The following PIGK variants were observed in gnomAD, a reference collection of about 807,000 sequenced individuals.
PIGK encodes GPI-anchor transamidase.
PIGK carries 42 observed loss-of-function variants against 50.6 expected under a neutral mutation model. The ratio of observed to expected loss-of-function variants is 0.83; its 90% CI spans 0.65 to 1.07. PIGK has a LOEUF of 1.07. Among genes scored for constraint, PIGK ranks in the 50% least tolerant of loss-of-function variants. PIGK has a pLI of 0.00. For missense variants in PIGK, 448 were observed against 488.7 expected (o/e 0.92, Z 0.78); for synonymous variants, 151 against 156.0 (o/e 0.97, Z 0.24).
At chr1:77,191,668 T>C (rs1011381652) in intron 3 of PIGK, among the ~76,000 whole-genome samples, 2 of 152,258 alleles carry the variant, frequency 1.3e-5, no homozygotes, top group African/African-American at 4.8e-5. Flanking sequence ...AGATATTCTT[T>C]TCATTAAAGA....
rs780950213 is a variant in PIGK, at chr1:77,161,409, T to C, written c.703-4A>G. 1.1e-5 allele frequency: 16 copies of C among 1,468,322 alleles called. No individual in the cohort carries two copies. Among genetic ancestry groups the C allele is most frequent in the Non-Finnish European group, 1.5e-5 (16 of 1,047,856 alleles). 91.0% of individuals were successfully genotyped at this position (1,468,322 alleles called of 1,614,324 possible). A position where few individuals can be genotyped will look rare whatever the true frequency, so the allele number is the denominator to read the frequency against. ...CAATTGCAGGATCAGGTTGATGCTA[T>C]GGAAAGGGGGAAAAAAAGTATTTCT... On this transcript the variant is annotated splice_polypyrimidine_tract_variant and splice_region_variant and intron_variant, in intron 7 of 10. Coordinates refer to ENST00000370812, the MANE Select transcript of PIGK (RefSeq NM_005482.3).
At chr1:77,123,548 TCTCA>T (rs1654152662) in intron 9 of PIGK, among the ~76,000 whole-genome samples, 2 of 152,068 alleles carry the variant, frequency 1.3e-5, no homozygotes, top group Non-Finnish European at 1.5e-5. Context: ...CTCTGAAGAT[TCTCA>T]CTAATGATGG....
chr1:77,211,975 A>G (rs1163795136), intron 1 of PIGK, among the ~76,000 whole-genome samples: 1 of 152,022 alleles, frequency 6.6e-6, no homozygotes, highest in Non-Finnish European at 1.5e-5. Context: ...ATAAGTTAAT[A>G]TGCTTCCTGT....
chr1:77,105,729 AT>A (rs1653654265), intron 10 of PIGK, among the ~76,000 whole-genome samples: 2 of 152,214 alleles, frequency 1.3e-5, no homozygotes, highest in African/African-American at 2.4e-5. Context: ...TTGATGTAAC[AT>A]AGCCATGCTC....
At chr1:77,102,732 C>G (rs896605474) in intron 10 of PIGK, among the ~76,000 whole-genome samples, 1 of 152,138 alleles carries the variant, frequency 6.6e-6, no homozygotes, top group Non-Finnish European at 1.5e-5. Flanking sequence ...TGATAGAAAA[C>G]GCATACAACA....
At chr1:77,179,562 T>G (rs1300157250) in intron 3 of PIGK, among the ~76,000 whole-genome samples, 1 of 152,214 alleles carries the variant, frequency 6.6e-6, no homozygotes, top group Non-Finnish European at 1.5e-5. Context: ...CAGTTGTTCC[T>G]GTTCCCATTT....
At chr1:77,203,259 T>C (rs1656212671) in intron 3 of PIGK, among the ~76,000 whole-genome samples, 1 of 152,194 alleles carries the variant, frequency 6.6e-6, no homozygotes, top group Non-Finnish European at 1.5e-5. Flanking sequence ...AACCCCTACT[T>C]AATGCCTTTT....
chr1:77,096,885 TTTTTTTTTTTTTG>T lies in PIGK; in HGVS notation c.1072-4408_1072-4396del, dbSNP rs1297511083. Among the ~76,000 whole-genome samples, 248 of 114,656 alleles carry T rather than the reference TTTTTTTTTTTTTG, an allele frequency of 2.2e-3. 1 individual carries two copies. Among genetic ancestry groups the T allele is most frequent in the African/African-American group, 9.4e-3 (234 of 25,026 alleles). The allele number at this position is 114,656 out of a possible 152,430, so 75.2% of individuals were successfully genotyped here. Reference sequence around the variant, plus strand: ...TACTTGTAGCTTCGGGTTTTTCTTTTTTTTTTTTTTTTGTTTTTTTGTTTTTTTGTTTTGTTTT... The same window carrying T: ...TACTTGTAGCTTCGGGTTTTTCTTTTTTTTTTTGTTTTTTTGTTTTGTTTT... On this transcript the variant is annotated intron_variant, in intron 10 of 10. Coordinates refer to ENST00000370812, the MANE Select transcript of PIGK (RefSeq NM_005482.3).
chr1:77,111,369 A>T (rs934350216), intron 10 of PIGK, among the ~76,000 whole-genome samples: 7 of 152,298 alleles, frequency 4.6e-5, no homozygotes, highest in South Asian at 4.1e-4. Flanking sequence ...AATGTCCATC[A>T]ATGACAGACT....
intron 8 of PIGK, among the ~76,000 whole-genome samples, chr1:77,159,544 G>T (rs1433694840): frequency 6.6e-6 from 1 of 152,216 alleles, no homozygotes; most frequent in Non-Finnish European, 1.5e-5. Flanking sequence ...GCCCGTAAAA[G>T]CAAACAGGAT....
chr1:77,106,615 A>G (rs1653683513), intron 10 of PIGK, among the ~76,000 whole-genome samples: 1 of 152,132 alleles, frequency 6.6e-6, no homozygotes. Context: ...CCATGGATAA[A>G]GGCCCTCTAT....
chr1:77,157,762 C>T (rs760391347), intron 8 of PIGK, among the ~76,000 whole-genome samples: 1 of 152,124 alleles, frequency 6.6e-6, no homozygotes, highest in Non-Finnish European at 1.5e-5. Flanking sequence ...CCCATAAGTC[C>T]CACATATTAT....
intron 4 of PIGK, 52 bp downstream of exon 4, chr1:77,169,208 G>A: frequency 8.3e-7 from 1 of 1,207,362 alleles, no homozygotes; most frequent in Non-Finnish European, 1.1e-6. Flanking sequence ...TTGTTTTAGA[G>A]CCTAAAAGTA....
intron 10 of PIGK, among the ~76,000 whole-genome samples, chr1:77,102,750 C>T (rs1232720211): frequency 6.6e-6 from 1 of 152,192 alleles, no homozygotes; most frequent in Non-Finnish European, 1.5e-5. Context: ...ACAGCAGAAG[C>T]TTTTGATGCA....
chr1:77,110,186 C>A (rs1401871985), intron 10 of PIGK, among the ~76,000 whole-genome samples: 4 of 152,142 alleles, frequency 2.6e-5, no homozygotes, highest in Admixed American at 2.6e-4. Context: ...CCATACTGCC[C>A]AAGGTAATTT....
intron 9 of PIGK, among the ~76,000 whole-genome samples, chr1:77,123,276 A>T (rs1324938695): frequency 1.3e-5 from 2 of 152,188 alleles, no homozygotes; most frequent in African/African-American, 4.8e-5. Context: ...TTTTCTGTGA[A>T]TTACACATCA....
chr1:77,122,216 A>T (rs930618087), intron 10 of PIGK, 59 bp downstream of exon 10: 131 of 1,115,560 alleles, frequency 1.2e-4, no homozygotes, highest in Non-Finnish European at 1.6e-4. Flanking sequence ...AACAAAAGCA[A>T]TTACTTCTCA....
intron 9 of PIGK, among the ~76,000 whole-genome samples, chr1:77,124,617 C>CA (rs149706053): frequency 0.015 from 1,733 of 111,972 alleles, 35 homozygotes; most frequent in South Asian, 0.072. Context: ...AACAAACAAA[C>CA]AACAAAAAAA....
chr1:77,198,536 T>G (rs910281553), intron 3 of PIGK, among the ~76,000 whole-genome samples: 29 of 151,978 alleles, frequency 1.9e-4, no homozygotes, highest in Admixed American at 2.6e-4. Context: ...TATAGTCAAT[T>G]ATTAGAATTA....
Sources: allele counts gnomAD v4.1 joint callset (sites outside exome capture counted in the v4.1 genomes callset), GRCh38; gene constraint gnomAD v4.1.1; transcripts MANE v1.5; gene names NCBI Gene and HGNC (gene_info 2026-07-23, HGNC 2026-07-21).